COL19A1: variants seen among roughly 807,000 people sequenced by gnomAD.
COL19A1 encodes the protein collagen alpha-1(XIX) chain.
Under a neutral mutation model 190.2 loss-of-function variants are expected in COL19A1, and 159 were observed. The observed-to-expected ratio is 0.84, with a 90% CI of 0.73 to 0.95. The LOEUF (loss-of-function observed/expected upper bound fraction) is 0.95. Ranked by LOEUF, COL19A1 falls within the 40% of genes least tolerant of loss-of-function variation. The pLI, the probability that COL19A1 is intolerant of heterozygous loss-of-function variation, is 0.00. For synonymous variants in COL19A1, 509 were observed against 458.9 expected, an observed-to-expected ratio of 1.11 and a Z score of -1.39; for missense variants, 1,418 against 1,431.9, an observed-to-expected ratio of 0.99 and a Z score of 0.16.
chr6:70,025,397 G>C (rs1778681145), intron 12 of COL19A1, among the ~76,000 whole-genome samples: 1 of 152,212 alleles, frequency 6.6e-6, no homozygotes, highest in Non-Finnish European at 1.5e-5. Context: ...GAGTTATTAA[G>C]ATTATAAACT....
At chr6:70,171,641 A>G (rs1765507749) in intron 40 of COL19A1, among the ~76,000 whole-genome samples, 1 of 152,188 alleles carries the variant, frequency 6.6e-6, no homozygotes, top group South Asian at 2.1e-4. Flanking sequence ...AAACTTTATT[A>G]AAGCCCCATC....
At chr6:69,878,921 A>C (rs1006927360) in intron 1 of COL19A1, among the ~76,000 whole-genome samples, 2 of 152,228 alleles carry the variant, frequency 1.3e-5, no homozygotes, top group Non-Finnish European at 2.9e-5. Flanking sequence ...CCTTTAGGAC[A>C]TATGTTAAGT....
intron 20 of COL19A1, 74 bp from the exon 21 acceptor site, chr6:70,141,819 C>T (rs916936705): frequency 1.4e-4 from 136 of 965,626 alleles, no homozygotes; most frequent in Middle Eastern, 3.0e-4. Flanking sequence ...AGTAGAAATT[C>T]AATTAAAGTA....
chr6:70,057,380 T>C (rs567108809), intron 14 of COL19A1, among the ~76,000 whole-genome samples: 3 of 152,190 alleles, frequency 2.0e-5, no homozygotes, highest in South Asian at 2.1e-4. Flanking sequence ...TGCCAAAATA[T>C]AACAAATCTA....
At chr6:69,987,566 A>G (rs1411530568) in intron 11 of COL19A1, among the ~76,000 whole-genome samples, 2 of 152,236 alleles carry the variant, frequency 1.3e-5, no homozygotes, top group African/African-American at 4.8e-5. Flanking sequence ...TTTAACATAT[A>G]GAATCGGCTA....
At chr6:69,927,764 A>G in intron 4 of COL19A1, 145 bp from the exon 5 acceptor site, 1 of 1,055,792 alleles carries the variant, frequency 9.5e-7, no homozygotes, top group Non-Finnish European at 1.3e-6. Flanking sequence ...AAGATTTTTT[A>G]AAAGGAAAGA....
chr6:69,942,726 A>T (rs937648563), intron 9 of COL19A1, among the ~76,000 whole-genome samples: 3 of 140,588 alleles, frequency 2.1e-5, no homozygotes, highest in Non-Finnish European at 4.6e-5. Flanking sequence ...GCTTAATGTC[A>T]TTCCATTGTG....
chr6:69,920,231 G>A (rs768440681), intron 4 of COL19A1, among the ~76,000 whole-genome samples: 2 of 152,048 alleles, frequency 1.3e-5, no homozygotes, highest in Non-Finnish European at 2.9e-5. Context: ...AGCCTCACTG[G>A]CAGTGGTTCT....
intron 14 of COL19A1, among the ~76,000 whole-genome samples, chr6:70,039,032 T>C (rs941771728): frequency 2.0e-5 from 3 of 151,274 alleles, no homozygotes; most frequent in African/African-American, 7.3e-5. Flanking sequence ...CCAGCCCAGC[T>C]GGAGACAGAG....
At chr6:69,982,690 C>T (rs866448066) in intron 11 of COL19A1, among the ~76,000 whole-genome samples, 1 of 147,838 alleles carries the variant, frequency 6.8e-6, no homozygotes, top group Non-Finnish European at 1.5e-5. Flanking sequence ...TCAACATGCC[C>T]GGCCAGGAGC....
chr6:70,096,878 C>T (rs1035693421), intron 15 of COL19A1, among the ~76,000 whole-genome samples: 9 of 152,142 alleles, frequency 5.9e-5, no homozygotes, highest in East Asian at 1.9e-4. Context: ...GAACTCTGAA[C>T]AGCCAAGCAG....
At chr6:70,016,408 CA>C (rs1361007420) in intron 11 of COL19A1, among the ~76,000 whole-genome samples, 4 of 53,800 alleles carry the variant, frequency 7.4e-5, no homozygotes, top group Non-Finnish European at 1.5e-4. Flanking sequence ...AAAAACAAAA[CA>C]AAACAAAGCA....
At chr6:70,064,868 CA>C (rs1781080865) in intron 14 of COL19A1, among the ~76,000 whole-genome samples, 1 of 151,940 alleles carries the variant, frequency 6.6e-6, no homozygotes, top group Non-Finnish European at 1.5e-5. Flanking sequence ...TTGCTTCAAA[CA>C]GAATAAAATA....
chr6:69,988,924 C>A (rs1258219301), intron 11 of COL19A1, among the ~76,000 whole-genome samples: 2 of 152,200 alleles, frequency 1.3e-5, no homozygotes, highest in Non-Finnish European at 2.9e-5. Context: ...TTTCTTCCTG[C>A]ATTTGCTCTT....
At chr6:70,115,095 G>A (rs896146984) in intron 16 of COL19A1, among the ~76,000 whole-genome samples, 1 of 152,178 alleles carries the variant, frequency 6.6e-6, no homozygotes, top group African/African-American at 2.4e-5. Flanking sequence ...CGGTGGTGGA[G>A]GCAGAGATGC....
chr6:70,166,939 A>G (rs1302132825), intron 37 of COL19A1, among the ~76,000 whole-genome samples: 1 of 152,222 alleles, frequency 6.6e-6, no homozygotes, highest in Non-Finnish European at 1.5e-5. Flanking sequence ...TTTATAATGC[A>G]CTTAAGATGT....
At chr6:70,093,241 C>T (rs1444858342) in intron 15 of COL19A1, among the ~76,000 whole-genome samples, 2 of 152,062 alleles carry the variant, frequency 1.3e-5, no homozygotes, top group African/African-American at 4.8e-5. Flanking sequence ...CTGTGAACAT[C>T]CAAATATGGA....
chr6:69,894,135 T>C (rs1769554512), intron 2 of COL19A1, among the ~76,000 whole-genome samples: 1 of 152,244 alleles, frequency 6.6e-6, no homozygotes, highest in Admixed American at 6.5e-5. Flanking sequence ...CCACGGTCAC[T>C]CATATTTGGC....
At chr6:69,908,467 A>G (rs1376214592) in intron 4 of COL19A1, among the ~76,000 whole-genome samples, 3 of 152,222 alleles carry the variant, frequency 2.0e-5, no homozygotes, top group African/African-American at 7.2e-5. Flanking sequence ...GCAGTTTGGC[A>G]TACCAAGAAT....
Sources: gnomAD v4.1 joint callset for allele counts (sites outside exome capture counted in the v4.1 genomes callset) on GRCh38, gnomAD v4.1.1 for gene constraint, MANE v1.5 for transcripts, NCBI Gene and HGNC (gene_info 2026-07-23, HGNC 2026-07-21) for gene names.